Variants in EPS8 observed in about 807,000 individuals in gnomAD.
The protein encoded by EPS8 is epidermal growth factor receptor kinase substrate 8.
A neutral mutation model predicts 103.8 loss-of-function variants in EPS8; 42 were observed. The ratio of observed to expected loss-of-function variants is 0.40; its 90% confidence interval spans 0.32 to 0.52. The LOEUF is 0.52. EPS8 is among the 20% of genes least tolerant of loss of function. EPS8 has a pLI of 0.40. For synonymous variants in EPS8, 344 were observed against 344.6 expected, an observed-to-expected ratio of 1.00 and a Z score of 0.02; for missense variants, 969 against 1,005.1, an observed-to-expected ratio of 0.96 and a Z score of 0.49.
intron 18 of EPS8, among the ~76,000 whole-genome samples, chr12:15,628,887 T>C (rs184611463): frequency 6.6e-6 from 1 of 152,346 alleles, no homozygotes; most frequent in Non-Finnish European, 1.5e-5. Flanking sequence ...AAATATGTGC[T>C]ACTGTCTGGT....
intron 14 of EPS8, among the ~76,000 whole-genome samples, chr12:15,648,878 T>C (rs1358277523): frequency 6.6e-6 from 1 of 152,208 alleles, no homozygotes; most frequent in East Asian, 1.9e-4. Context: ...GTCACCTATG[T>C]CTTTCAATCC....
At chr12:15,742,387 C>T (rs1946834059) in intron 1 of EPS8, among the ~76,000 whole-genome samples, 1 of 152,212 alleles carries the variant, frequency 6.6e-6, no homozygotes, top group Admixed American at 6.5e-5. Context: ...TGTTTCCTGA[C>T]TTTTTAATGA....
intron 15 of EPS8, among the ~76,000 whole-genome samples, chr12:15,642,837 T>C (rs1301963270): frequency 6.6e-6 from 1 of 152,182 alleles, no homozygotes; most frequent in Non-Finnish European, 1.5e-5. Flanking sequence ...ATGTATCCTG[T>C]CATAGGTTTT....
chr12:15,641,983 G>GAAC (rs1219187780), intron 15 of EPS8, among the ~76,000 whole-genome samples, 153 bp from the exon 16 acceptor site: 4 of 151,986 alleles, frequency 2.6e-5, no homozygotes, highest in Non-Finnish European at 4.4e-5. Flanking sequence ...ATAAATAAAA[G>GAAC]TTACTTTAAA....
chr12:15,722,148 A>T (rs894440498), intron 1 of EPS8, among the ~76,000 whole-genome samples: 5 of 151,680 alleles, frequency 3.3e-5, no homozygotes, highest in Admixed American at 3.3e-4. Flanking sequence ...AAGAAGAAGA[A>T]TTGTCTTGAG....
Position 15,734,648 on chromosome 12 carries a change from C to T in EPS8, c.-21-51676G>A, listed in dbSNP as rs1307016569. On this transcript the variant is annotated intron_variant, in intron 1 of 20. Transcript: ENST00000281172. The surrounding 1 kb of genome is among the most constrained non-coding windows in gnomAD (Gnocchi z 4.1). ...GGCGGACCTTGCAGTGAGCCGAGATCGCGCCACTGTACTCCAGCCTGGGCG... is the reference window on the plus strand; with the variant it reads ...GGCGGACCTTGCAGTGAGCCGAGATTGCGCCACTGTACTCCAGCCTGGGCG... Among the ~76,000 whole-genome samples, 5 of 151,960 alleles carry T rather than the reference C, an allele frequency of 3.3e-5. No individual in the cohort carries two copies. The highest frequency in any genetic ancestry group is 7.4e-5 in the Non-Finnish European group (5 of 67,988).
intron 3 of EPS8, among the ~76,000 whole-genome samples, chr12:15,679,915 T>C (rs1565496521): frequency 6.6e-6 from 1 of 152,198 alleles, no homozygotes; most frequent in Non-Finnish European, 1.5e-5. Flanking sequence ...CCAAAAAATC[T>C]TTTTCTGTTA....
At chr12:15,663,295 G>C (rs1945640080) in intron 8 of EPS8, among the ~76,000 whole-genome samples, 1 of 152,110 alleles carries the variant, frequency 6.6e-6, no homozygotes, top group Non-Finnish European at 1.5e-5. Context: ...ACACGACTAG[G>C]AACCCTAGTG....
intron 1 of EPS8, among the ~76,000 whole-genome samples, chr12:15,753,272 AT>A (rs1254230577): frequency 6.6e-6 from 1 of 152,208 alleles, no homozygotes; most frequent in Non-Finnish European, 1.5e-5. Flanking sequence ...ATTAAGTAAA[AT>A]TGTAAGAATG....
At chr12:15,694,282 A>C (rs1226976967) in intron 1 of EPS8, among the ~76,000 whole-genome samples, 2 of 151,910 alleles carry the variant, frequency 1.3e-5, no homozygotes, top group Admixed American at 1.3e-4. Context: ...AAGTAACACA[A>C]AAAAAAATGA....
chr12:15,734,076 G>T lies in EPS8; in HGVS notation c.-21-51104C>A, dbSNP rs974897023. ...ACTAGTCTCAAACTCCTGAGCTCAA[G>T]TAATCCTCCCATCTCAGCCTCCCCA... is the stretch of plus-strand genomic sequence containing the variant. On this transcript the variant is annotated intron_variant, in intron 1 of 20. Transcript: ENST00000281172. This position sits in a 1 kb window ranked among gnomAD's most constrained non-coding sequence, Gnocchi z 4.1. Among the ~76,000 whole-genome samples the T allele has an allele frequency of 6.6e-6, 1 of 152,058 alleles. No homozygotes were observed. Among genetic ancestry groups the T allele is most frequent in the African/African-American group, 2.4e-5 (1 of 41,432 alleles).
chr12:15,709,199 A>C (rs1440649853), intron 1 of EPS8, among the ~76,000 whole-genome samples: 1 of 152,246 alleles, frequency 6.6e-6, no homozygotes, highest in Non-Finnish European at 1.5e-5. Context: ...CCATCATAGT[A>C]AGAGATAGAC....
At chr12:15,641,130 G>A (rs1478301849) in intron 16 of EPS8, among the ~76,000 whole-genome samples, 2 of 152,088 alleles carry the variant, frequency 1.3e-5, no homozygotes, top group African/African-American at 4.8e-5. Context: ...AAGGACTTAA[G>A]GACTAAAATG....
chr12:15,732,982 G>A (rs987604730), intron 1 of EPS8, among the ~76,000 whole-genome samples: 2 of 152,098 alleles, frequency 1.3e-5, no homozygotes, highest in Non-Finnish European at 2.9e-5. Flanking sequence ...TGACCACCTA[G>A]GTAGTCATGA....
intron 1 of EPS8, among the ~76,000 whole-genome samples, chr12:15,712,005 A>G (rs1291508651): frequency 6.6e-6 from 1 of 152,196 alleles, no homozygotes; most frequent in Non-Finnish European, 1.5e-5. Context: ...GCACTTAATT[A>G]TTAGTGACAG....
At chr12:15,722,773 G>A (rs540572343) in intron 1 of EPS8, among the ~76,000 whole-genome samples, 1 of 152,248 alleles carries the variant, frequency 6.6e-6, no homozygotes, top group South Asian at 2.1e-4. Context: ...ATGGCAGAAG[G>A]GGCAAACGGT....
At chr12:15,671,752 G>A (rs1349002435) in intron 3 of EPS8, 3 of 151,976 alleles carry the variant, frequency 2.0e-5, no homozygotes, top group Non-Finnish European at 4.4e-5. Flanking sequence ...CTCTGCACAG[G>A]GGTCATGCTA....
At chr12:15,653,181 C>A (rs1223090366) in intron 13 of EPS8, among the ~76,000 whole-genome samples, 1 of 152,132 alleles carries the variant, frequency 6.6e-6, no homozygotes, top group Non-Finnish European at 1.5e-5. Flanking sequence ...TTATAAGGAG[C>A]CTCTCCTACG....
rs758653855 is a variant in EPS8 at position 15,670,899 on chromosome 12, TC to T, written c.160del (p.Asp54ThrfsTer17). ...LYEQRKNYARDSVSSVSDISQ... is the reference protein window; with the variant it reads ...LYEQRKNYARXSVSSVSDISQ... The stretch of plus-strand genomic sequence containing the variant: ...TATATCTGACACACTGCTGACACTG[TC>T]CCGTGCATAATTCTTCCTTTGTTCT... On this transcript the variant is annotated frameshift_variant, in exon 4 of 21. Transcript: ENST00000281172. LOFTEE classifies it high-confidence loss of function. 15 of 1,612,250 alleles carry T rather than the reference TC, an allele frequency of 9.3e-6. No individual in the cohort carries two copies. Among genetic ancestry groups the T allele is most frequent in the African/African-American group, 1.3e-5 (1 of 74,886 alleles).
Sources: gnomAD v4.1 joint callset for allele counts (sites outside exome capture counted in the v4.1 genomes callset) on GRCh38, gnomAD v4.1.1 for gene constraint, Gnocchi (gnomAD v3.1) non-coding constraint, MANE v1.5 for transcripts, NCBI Gene and HGNC (gene_info 2026-07-23, HGNC 2026-07-21) for gene names.